The following SLC23A2 variants were observed in gnomAD, a reference collection of about 807,000 sequenced individuals.
The protein encoded by SLC23A2 is solute carrier family 23 member 2, also known as Na(+)/L-ascorbic acid transporter 2.
Under a neutral mutation model 73.3 loss-of-function variants are expected in SLC23A2, and 36 were observed. That is an observed-to-expected ratio of 0.49 (90% CI 0.38 to 0.65). The LOEUF (loss-of-function observed/expected upper bound fraction) is 0.65, where lower values mean the gene tolerates loss of function less well. Ranked by LOEUF, SLC23A2 falls within the 30% of genes least tolerant of loss-of-function variation. The probability of loss-of-function intolerance (pLI) is 0.00; values close to 1 mark genes in which losing one functional copy is unlikely to be tolerated. For missense variants in SLC23A2, 507 were observed against 841.6 expected, an observed-to-expected ratio of 0.60 and a Z score of 4.92; for synonymous variants, 343 against 327.3, an observed-to-expected ratio of 1.05 and a Z score of -0.52.
At chr20:4,914,804 G>C (rs565526454) in intron 3 of SLC23A2, among the ~76,000 whole-genome samples, 2 of 152,292 alleles carry the variant, frequency 1.3e-5, no homozygotes, top group South Asian at 4.1e-4. Context: ...ACTTTGGAAG[G>C]CTGAGGCAGG....
At chr20:4,875,678 C>T (rs1302868517) in intron 9 of SLC23A2, among the ~76,000 whole-genome samples, 2 of 152,204 alleles carry the variant, frequency 1.3e-5, no homozygotes, top group African/African-American at 4.8e-5. Context: ...TCTGGTGTCC[C>T]ACGGGGCTGG....
chr20:4,893,244 T>C lies in SLC23A2; in HGVS notation c.482+6311A>G, dbSNP rs77321820. Among the ~76,000 whole-genome samples, 153 of 152,088 alleles carry C rather than the reference T, an allele frequency of 1.0e-3. 1 individual carries two copies. The highest frequency in any genetic ancestry group is 3.5e-3 in the African/African-American group (145 of 41,480). ...ACACCCAGCTAATTATTTTTATTAT[T>C]TGTAGAGACAAGGTCTCACTATGTT... On this transcript the variant is annotated intron_variant, in intron 6 of 16. Transcript: ENST00000338244.
At position 4,925,739 on chromosome 20, in the gene SLC23A2, C is replaced by A. The variant is rs1002132904; in HGVS notation, c.108+6716G>T. Reference sequence around the variant, plus strand: ...TCCACTGTACTCTGCACTAAACTTGCGCCCCAAGCAGGACACTGCCATGCA... The same window carrying A: ...TCCACTGTACTCTGCACTAAACTTGAGCCCCAAGCAGGACACTGCCATGCA... On this transcript the variant is annotated intron_variant, in intron 3 of 16. Coordinates refer to ENST00000338244, the MANE Select transcript of SLC23A2 (RefSeq NM_005116.6). Among the ~76,000 whole-genome samples, 3 of 152,202 alleles carry A rather than the reference C, an allele frequency of 2.0e-5. No homozygotes were observed. In the South Asian group the frequency reaches 6.2e-4, roughly 31 times the overall value.
At chr20:4,968,280 G>A (rs1210106685) in intron 2 of SLC23A2, among the ~76,000 whole-genome samples, 2 of 152,160 alleles carry the variant, frequency 1.3e-5, no homozygotes, top group African/African-American at 2.4e-5. Flanking sequence ...ATGCCACTAC[G>A]GAGGTCCAGA....
chr20:4,920,108 A>G (rs1475737378), intron 3 of SLC23A2, among the ~76,000 whole-genome samples: 2 of 152,148 alleles, frequency 1.3e-5, no homozygotes, highest in Non-Finnish European at 2.9e-5. Flanking sequence ...TAAAAATACA[A>G]AAGTTAGCTG....
chr20:4,978,302 A>G (rs1302932129), intron 1 of SLC23A2, among the ~76,000 whole-genome samples: 1 of 152,222 alleles, frequency 6.6e-6, no homozygotes, highest in Admixed American at 6.5e-5. Context: ...GCGTGTGAAC[A>G]AGCACTGTTG....
intron 2 of SLC23A2, among the ~76,000 whole-genome samples, chr20:4,962,011 G>A (rs1600177503): frequency 6.6e-6 from 1 of 152,204 alleles, no homozygotes; most frequent in South Asian, 2.1e-4. Context: ...GAAGTTGGGG[G>A]AGTGCTTATC....
chr20:4,940,585 G>A (rs1008172348), intron 2 of SLC23A2, among the ~76,000 whole-genome samples: 4 of 152,100 alleles, frequency 2.6e-5, no homozygotes, highest in Admixed American at 6.5e-5. Flanking sequence ...AAGACCTAAC[G>A]TCTACATTTT....
chr20:4,887,663 T>C (rs1776955), intron 6 of SLC23A2, among the ~76,000 whole-genome samples: 75,317 of 152,038 alleles, frequency 0.5, 19,042 homozygotes, highest in African/African-American at 0.55. Context: ...TAAAGATACT[T>C]GCTCATTTGC....
intron 3 of SLC23A2, among the ~76,000 whole-genome samples, chr20:4,922,856 C>T (rs1932542028): frequency 6.6e-6 from 1 of 151,050 alleles, no homozygotes; most frequent in Non-Finnish European, 1.5e-5. Context: ...CACACACACA[C>T]ACACACAAGT....
At chr20:4,932,029 C>T (rs1932796171) in intron 3 of SLC23A2, among the ~76,000 whole-genome samples, 1 of 152,310 alleles carries the variant, frequency 6.6e-6, no homozygotes, top group African/African-American at 2.4e-5. Flanking sequence ...ATAAAACTAC[C>T]TCTACGCTGG....
chr20:4,868,097 T>A lies in SLC23A2; in HGVS notation c.1251-222A>T, dbSNP rs1930280001. ...ATTTTTTTTTTTTTTTTTTTTTTTT[T>A]TAGAGAGTGTCTCACTCCGTCACCT... is the stretch of plus-strand genomic sequence containing the variant. On this transcript the variant is annotated intron_variant, in intron 12 of 16. Coordinates refer to ENST00000338244, the MANE Select transcript of SLC23A2 (RefSeq NM_005116.6). The surrounding 1 kb of genome is among the most constrained non-coding windows in gnomAD (Gnocchi z 4.4). Among the ~76,000 whole-genome samples the A allele has an allele frequency of 7.6e-6, 1 of 132,008 alleles. No individual in the cohort carries two copies. The highest frequency in any genetic ancestry group is 1.6e-5 in the Non-Finnish European group (1 of 62,872). 86.6% of individuals were successfully genotyped at this position (132,008 alleles called of 152,430 possible).
At chr20:4,912,667 C>CAAA (rs36084071) in intron 4 of SLC23A2, among the ~76,000 whole-genome samples, 89 of 73,966 alleles carry the variant, frequency 1.2e-3, no homozygotes, top group African/African-American at 3.3e-3. Context: ...TTAAAACAAT[C>CAAA]AAAAAAAAAA....
intron 4 of SLC23A2, among the ~76,000 whole-genome samples, chr20:4,905,012 G>T (rs1931884252): frequency 6.6e-6 from 1 of 151,484 alleles, no homozygotes; most frequent in Non-Finnish European, 1.5e-5. Context: ...TATTCCGGAG[G>T]CTGAGGCAGG....
chr20:4,986,607 C>T (rs2087831044), intron 1 of SLC23A2, among the ~76,000 whole-genome samples: 1 of 150,404 alleles, frequency 6.6e-6, no homozygotes, highest in African/African-American at 2.4e-5. Flanking sequence ...AGTCACCGCG[C>T]CTGGCCTTGA....
intron 9 of SLC23A2, among the ~76,000 whole-genome samples, chr20:4,875,545 G>GT (rs1930620670): frequency 6.6e-6 from 1 of 152,118 alleles, no homozygotes; most frequent in Non-Finnish European, 1.5e-5. Context: ...GCTGGGCTGC[G>GT]TAAGTCCCTC....
At chr20:4,975,537 C>A (rs866527550) in intron 1 of SLC23A2, among the ~76,000 whole-genome samples, 2 of 151,292 alleles carry the variant, frequency 1.3e-5, no homozygotes, top group Non-Finnish European at 3.0e-5. Context: ...CGCACCACCA[C>A]GCCTGGCTAA....
chr20:4,962,494 C>A (rs2087409258), intron 2 of SLC23A2, among the ~76,000 whole-genome samples: 1 of 152,182 alleles, frequency 6.6e-6, no homozygotes, highest in South Asian at 2.1e-4. Context: ...AGACACACTC[C>A]CAGCTCAGGA....
chr20:4,962,961 T>C (rs2087416003), intron 2 of SLC23A2, among the ~76,000 whole-genome samples: 2 of 152,124 alleles, frequency 1.3e-5, no homozygotes, highest in Non-Finnish European at 1.5e-5. Flanking sequence ...ATAACGCCAC[T>C]GCACTCCAGC....
Sources: gnomAD v4.1 joint callset for allele counts (sites outside exome capture counted in the v4.1 genomes callset) on GRCh38, gnomAD v4.1.1 for gene constraint, Gnocchi (gnomAD v3.1) non-coding constraint, MANE v1.5 for transcripts, NCBI Gene and HGNC (gene_info 2026-07-23, HGNC 2026-07-21) for gene names.